Variants in ATXN8OS observed in about 807,000 individuals in gnomAD.
ATXN8OS encodes the protein ATXN8 opposite strand (non-protein coding).
At chr13:70,110,852 T>A (rs1005039117) in intron 1 of ATXN8OS, among the ~76,000 whole-genome samples, 2 of 152,212 alleles carry the variant, frequency 1.3e-5, no homozygotes, top group African/African-American at 4.8e-5. Context: ...CCATAAGTAA[T>A]AATTGACTTG....
chr13:70,127,977 G>A (rs1888467749), intron 2 of ATXN8OS, among the ~76,000 whole-genome samples: 1 of 151,794 alleles, frequency 6.6e-6, no homozygotes, highest in Admixed American at 6.6e-5. Flanking sequence ...TTCATTTTAT[G>A]TTGTTATATA....
At chr13:70,149,154 C>G (rs1318750225) in intron 4 of ATXN8OS, among the ~76,000 whole-genome samples, 1 of 151,968 alleles carries the variant, frequency 6.6e-6, no homozygotes, top group Non-Finnish European at 1.5e-5. Context: ...TTTCTTCTGT[C>G]TAATGGTAAC....
At chr13:70,139,754 A>G (rs919462236) in intron 3 of ATXN8OS, among the ~76,000 whole-genome samples, 1 of 152,188 alleles carries the variant, frequency 6.6e-6, no homozygotes, top group Non-Finnish European at 1.5e-5. Flanking sequence ...TAGAAGGTGC[A>G]TAACATAAAT....
At chr13:70,157,895 T>G (rs953536772) in intron 4 of ATXN8OS, among the ~76,000 whole-genome samples, 2 of 152,114 alleles carry the variant, frequency 1.3e-5, no homozygotes, top group African/African-American at 4.8e-5. Flanking sequence ...GGAGTATGGG[T>G]GCAAACTATC....
At chr13:70,124,943 T>C (rs1888409192) in intron 2 of ATXN8OS, among the ~76,000 whole-genome samples, 1 of 151,912 alleles carries the variant, frequency 6.6e-6, no homozygotes, top group South Asian at 2.1e-4. Context: ...GGTTTTTTTT[T>C]TTTTGGCTTG....
intron 3 of ATXN8OS, among the ~76,000 whole-genome samples, chr13:70,136,818 C>A (rs1888622387): frequency 6.6e-6 from 1 of 152,070 alleles, no homozygotes; most frequent in Non-Finnish European, 1.5e-5. Context: ...CAACTTACAA[C>A]AATATAAAAT....
At chr13:70,129,340 G>T (rs1240454903) in intron 2 of ATXN8OS, among the ~76,000 whole-genome samples, 1 of 151,720 alleles carries the variant, frequency 6.6e-6, no homozygotes, top group African/African-American at 2.4e-5. Flanking sequence ...ATTATGAACT[G>T]TCAGATTAAA....
intron 2 of ATXN8OS, among the ~76,000 whole-genome samples, chr13:70,127,235 T>G (rs1170940267): frequency 3.3e-5 from 5 of 152,016 alleles, no homozygotes; most frequent in African/African-American, 9.7e-5. Context: ...AGCTATGACC[T>G]AATGAGATGG....
At chr13:70,129,901 G>A (rs906127822) in intron 3 of ATXN8OS, 3 of 398,300 alleles carry the variant, frequency 7.5e-6, no homozygotes, top group African/African-American at 6.2e-5. Context: ...ACATCAAAAG[G>A]TTGTACTGGT....
chr13:70,124,473 A>G (rs943244665), intron 2 of ATXN8OS, among the ~76,000 whole-genome samples: 3 of 152,142 alleles, frequency 2.0e-5, no homozygotes, highest in African/African-American at 4.8e-5. Context: ...AAAAGCCTGA[A>G]TAAATAGGTA....
intron 3 of ATXN8OS, among the ~76,000 whole-genome samples, chr13:70,144,473 A>G (rs1888756340): frequency 6.6e-6 from 1 of 152,144 alleles, no homozygotes; most frequent in Non-Finnish European, 1.5e-5. Context: ...TTTATACCCA[A>G]TAACCTGGCA....
intron 4 of ATXN8OS, among the ~76,000 whole-genome samples, chr13:70,169,095 G>A (rs1889113190): frequency 6.6e-6 from 1 of 151,808 alleles, no homozygotes; most frequent in Admixed American, 6.6e-5. Context: ...TAATGCAGAT[G>A]GATTATCATA....
intron 4 of ATXN8OS, among the ~76,000 whole-genome samples, chr13:70,159,862 G>T (rs887296107): frequency 6.6e-6 from 1 of 152,122 alleles, no homozygotes; most frequent in African/African-American, 2.4e-5. Context: ...TGCATGTATA[G>T]TTAATTTATT....
intron 1 of ATXN8OS, among the ~76,000 whole-genome samples, chr13:70,112,920 A>ATATATATATATATATTTTT (rs1555298511): frequency 1.1e-5 from 1 of 87,590 alleles, no homozygotes; most frequent in African/African-American, 4.4e-5. Flanking sequence ...TATATATATA[A>ATATATATATATATATTTTT]TTTTTTTTTT....
chr13:70,168,435 ACT>A (rs1889104747), intron 4 of ATXN8OS, among the ~76,000 whole-genome samples: 1 of 151,842 alleles, frequency 6.6e-6, no homozygotes, highest in South Asian at 2.1e-4. Flanking sequence ...TAGTTATCCT[ACT>A]CTGCTATCAA....
At position 70,146,070 on chromosome 13, in the gene ATXN8OS, A is replaced by T. The variant is rs1362176441; in HGVS notation, n.500-1285A>T. On this transcript the variant is annotated intron_variant and non_coding_transcript_variant, in intron 3 of 4. Coordinates refer to ENST00000678624, the Ensembl canonical transcript of ATXN8OS. ...TGAACTCAAACAAATTTACAAGAAA[A>T]AAAAAAAACAACCCCATCAAAAAGT... 8.7e-5 allele frequency among the ~76,000 whole-genome samples: 12 copies of T among 137,162 alleles called. 1 individual carries two copies. In the East Asian group the frequency reaches 2.7e-3, roughly 31 times the overall value. The allele number at this position is 137,162 out of a possible 152,430, so 90.0% of individuals were successfully genotyped here.
chr13:70,171,160 G>A (rs1490252281), exon 5 of ATXN8OS, among the ~76,000 whole-genome samples: 3 of 152,034 alleles, frequency 2.0e-5, no homozygotes, highest in South Asian at 2.1e-4. Flanking sequence ...AGAGAAAATC[G>A]AAGTGAGGTA....
At chr13:70,107,456 G>A (rs372375859), upstream of ATXN8OS, 41 of 1,613,968 alleles carry the variant, frequency 2.5e-5, no homozygotes, top group African/African-American at 4.8e-4. Flanking sequence ...GAAGAGGACG[G>A]GGAGGACGAT....
chr13:70,153,192 A>G (rs768972592), intron 4 of ATXN8OS, among the ~76,000 whole-genome samples: 2 of 152,142 alleles, frequency 1.3e-5, no homozygotes, highest in African/African-American at 4.8e-5. Flanking sequence ...TTAGTAGCTA[A>G]AGAGTGAATG....
Sources: allele counts gnomAD v4.1 joint callset (sites outside exome capture counted in the v4.1 genomes callset), GRCh38; gene constraint gnomAD v4.1.1; transcripts MANE v1.5; gene names NCBI Gene and HGNC (gene_info 2026-07-23, HGNC 2026-07-21).